MYO18B: variants seen among roughly 807,000 people sequenced by gnomAD.
The protein encoded by MYO18B is unconventional myosin-XVIIIb.
Under a neutral mutation model 273.0 loss-of-function variants are expected in MYO18B, and 204 were observed. The ratio of observed to expected loss-of-function variants is 0.75; its 90% CI spans 0.67 to 0.84. The LOEUF (loss-of-function observed/expected upper bound fraction) is 0.84. Among genes scored for constraint, MYO18B ranks in the 40% least tolerant of loss-of-function variants. The pLI is 0.00. For missense variants in MYO18B, 3,212 were observed against 3,287.6 expected, an observed-to-expected ratio of 0.98 and a Z score of 0.56; for synonymous variants, 1,330 against 1,305.7, an observed-to-expected ratio of 1.02 and a Z score of -0.40.
chr22:25,853,451 G>C (rs2146059070), intron 21 of MYO18B, among the ~76,000 whole-genome samples: 1 of 152,334 alleles, frequency 6.6e-6, no homozygotes, highest in African/African-American at 2.4e-5. Context: ...GTGGCACAGG[G>C]CTGTCCCTTC....
chr22:25,926,664 C>T (rs901736407), intron 34 of MYO18B, among the ~76,000 whole-genome samples: 2 of 152,174 alleles, frequency 1.3e-5, no homozygotes, highest in Non-Finnish European at 2.9e-5. Flanking sequence ...ACTGTGTTCA[C>T]TCTGCAAATA....
At chr22:25,935,487 T>G (rs1394506113) in intron 34 of MYO18B, among the ~76,000 whole-genome samples, 1 of 151,704 alleles carries the variant, frequency 6.6e-6, no homozygotes, top group Non-Finnish European at 1.5e-5. Context: ...AGCACATAGA[T>G]GAACTTGCTC....
At chr22:25,992,878 T>C (rs1311208950) in intron 40 of MYO18B, among the ~76,000 whole-genome samples, 2 of 152,226 alleles carry the variant, frequency 1.3e-5, no homozygotes, top group Non-Finnish European at 2.9e-5. Context: ...ACCTACAGAC[T>C]GGAAGTTTCA....
chr22:25,963,272 A>T (rs1186812829), intron 39 of MYO18B, among the ~76,000 whole-genome samples: 1 of 151,788 alleles, frequency 6.6e-6, no homozygotes, highest in Admixed American at 6.6e-5. Flanking sequence ...CATAACAAAT[A>T]ATCAAAACCT....
At chr22:25,812,259 G>A (rs1225986524) in intron 12 of MYO18B, among the ~76,000 whole-genome samples, 1 of 152,146 alleles carries the variant, frequency 6.6e-6, no homozygotes, top group Non-Finnish European at 1.5e-5. Context: ...GAAGAATGCG[G>A]GGCTCAGAAG....
rs187160919 is a variant in MYO18B, at chr22:25,950,411, G to A, written c.5793G>A (p.Leu1931=). 143 of 1,608,454 alleles carry A rather than the reference G, an allele frequency of 8.9e-5. No individual in the cohort carries two copies. Among genetic ancestry groups the A allele is most frequent in the Non-Finnish European group, 1.2e-4 (136 of 1,177,364 alleles). ...IGQIQELQLQ[L]EEAKKEKHKL... is the part of the protein sequence containing the mutation. ...AGATCCAAGAACTGCAGCTGCAGCT[G>A]GAGGAAGCCAAGAAGGAGAAGCACA... Residue 1931 remains leucine (L), a synonymous_variant, in exon 37 of 44, where the codon CTG becomes CTA. Coordinates refer to ENST00000335473, the MANE Select transcript of MYO18B (RefSeq NM_032608.7).
chr22:26,016,557 G>A (rs1350692453), intron 42 of MYO18B, among the ~76,000 whole-genome samples: 4 of 152,194 alleles, frequency 2.6e-5, no homozygotes, highest in Admixed American at 2.6e-4. Flanking sequence ...AGTGAGTGGG[G>A]ATACTGGGTT....
chr22:25,976,123 A>C (rs2093086409), intron 39 of MYO18B, among the ~76,000 whole-genome samples: 1 of 152,160 alleles, frequency 6.6e-6, no homozygotes, highest in Non-Finnish European at 1.5e-5. Context: ...GGTGCTGCTG[A>C]TATCTGGTGG....
At chr22:26,035,949 G>GCCCTCTCCAGGCCAACACAGACC (rs1936769860), downstream of MYO18B, among the ~76,000 whole-genome samples, 1 of 152,168 alleles carries the variant, frequency 6.6e-6, no homozygotes, top group Admixed American at 6.5e-5. Context: ...AGTTTCAGAG[G>GCCCTCTCCAGGCCAACACAGACC]CCCTCTCCAG....
chr22:26,001,780 G>A (rs955519786), intron 40 of MYO18B, among the ~76,000 whole-genome samples: 2 of 152,190 alleles, frequency 1.3e-5, no homozygotes, highest in Non-Finnish European at 1.5e-5. Context: ...TAGTGCTGGG[G>A]AAGAGCCCTT....
chr22:26,023,920 A>G (rs1377842281), intron 42 of MYO18B, among the ~76,000 whole-genome samples: 1 of 152,238 alleles, frequency 6.6e-6, no homozygotes, highest in African/African-American at 2.4e-5. Flanking sequence ...TCAGGGAATC[A>G]CAAAAGAGCC....
At chr22:25,792,497 C>CTTTTTT (rs58679561) in intron 11 of MYO18B, among the ~76,000 whole-genome samples, 54,139 of 107,090 alleles carry the variant, frequency 0.51, 16,306 homozygotes, top group Non-Finnish European at 0.6. Flanking sequence ...TTTTTCTTTT[C>CTTTTTT]TTTTTTTTTT....
At chr22:25,868,183 GCT>G in intron 21 of MYO18B, 135 bp from the exon 22 acceptor site, 1 of 692,486 alleles carries the variant, frequency 1.4e-6, no homozygotes, top group Non-Finnish European at 2.5e-6. Flanking sequence ...GTGAGGTGGG[GCT>G]CTGTTAGCCA....
At chr22:25,963,274 T>C (rs1279539691) in intron 39 of MYO18B, among the ~76,000 whole-genome samples, 1 of 150,842 alleles carries the variant, frequency 6.6e-6, no homozygotes, top group Admixed American at 6.6e-5. Context: ...TAACAAATAA[T>C]CAAAACCTGG....
the MYO18B span, among the ~76,000 whole-genome samples, chr22:26,054,596 G>A: frequency 6.6e-6 from 1 of 152,174 alleles, no homozygotes; most frequent in African/African-American, 2.4e-5. Context: ...AAGCAACAAG[G>A]ACACTGTATG....
At chr22:25,782,696 CCAA>C (rs2087213607) in intron 10 of MYO18B, among the ~76,000 whole-genome samples, 1 of 152,194 alleles carries the variant, frequency 6.6e-6, no homozygotes, top group East Asian at 1.9e-4. Flanking sequence ...TGTTTGTTCC[CCAA>C]CCTTCCCTCC....
intron 1 of MYO18B, among the ~76,000 whole-genome samples, chr22:25,744,813 A>C (rs373275481): frequency 6.6e-6 from 1 of 152,182 alleles, no homozygotes; most frequent in East Asian, 1.9e-4. Context: ...GAGACCAGGG[A>C]GGATCCCCCT....
intron 11 of MYO18B, among the ~76,000 whole-genome samples, chr22:25,789,178 G>A (rs1055786946): frequency 3.3e-5 from 5 of 150,688 alleles, no homozygotes; most frequent in Middle Eastern, 3.4e-3. Flanking sequence ...TGGGCAAGTT[G>A]GGAGGGCTTA....
intron 17 of MYO18B, among the ~76,000 whole-genome samples, chr22:25,839,103 CGT>C (rs1038325633): frequency 1.5e-5 from 2 of 137,144 alleles, no homozygotes; most frequent in African/African-American, 2.7e-5. Context: ...TACGTGTGTG[CGT>C]GTGTGTATAT....
Sources: allele counts gnomAD v4.1 joint callset (sites outside exome capture counted in the v4.1 genomes callset), GRCh38; gene constraint gnomAD v4.1.1; transcripts MANE v1.5; gene names NCBI Gene and HGNC (gene_info 2026-07-23, HGNC 2026-07-21).